Variants in MACROD2 observed in about 807,000 individuals in gnomAD.
The protein encoded by MACROD2 is ADP-ribose glycohydrolase MACROD2.
A neutral mutation model predicts 70.4 loss-of-function variants in MACROD2; 36 were observed. The observed-to-expected ratio is 0.51, with a 90% CI of 0.39 to 0.68. The LOEUF (loss-of-function observed/expected upper bound fraction) is 0.68. MACROD2 is among the 30% of genes least tolerant of loss of function. MACROD2 has a pLI of 0.00. For missense variants in MACROD2, 496 were observed against 538.4 expected (o/e 0.92, Z 0.78); for synonymous variants, 172 against 178.8 (o/e 0.96, Z 0.30).
At chr20:15,964,730 C>T (rs909049339) in intron 12 of MACROD2, among the ~76,000 whole-genome samples, 2 of 152,176 alleles carry the variant, frequency 1.3e-5, no homozygotes, top group African/African-American at 4.8e-5. Flanking sequence ...TGATTGAAAA[C>T]ATACAGAATC....
intron 5 of MACROD2, among the ~76,000 whole-genome samples, chr20:14,825,229 G>A (rs964652496): frequency 4.6e-5 from 7 of 151,914 alleles, no homozygotes; most frequent in Non-Finnish European, 7.4e-5. Context: ...ACCAAGTACC[G>A]CTCCTGTGCC....
chr20:14,082,355 T>C (rs1412484116), intron 2 of MACROD2, among the ~76,000 whole-genome samples: 1 of 122,592 alleles, frequency 8.2e-6, no homozygotes, highest in South Asian at 2.5e-4. Flanking sequence ...ATTTTTTGTA[T>C]TTTTTTTTTT....
chr20:14,020,987 C>CTTTT (rs1163077387), intron 2 of MACROD2, among the ~76,000 whole-genome samples: 23 of 111,542 alleles, frequency 2.1e-4, no homozygotes, highest in South Asian at 2.9e-4. Context: ...TTTGAATATT[C>CTTTT]TTTTTTTTTT....
intron 5 of MACROD2, among the ~76,000 whole-genome samples, chr20:14,846,835 G>A (rs2073147284): frequency 6.6e-6 from 1 of 150,884 alleles, no homozygotes; most frequent in Non-Finnish European, 1.5e-5. Context: ...TAATTTTTAA[G>A]CACTTTAGGT....
At chr20:15,638,727 A>G (rs1441004953) in intron 8 of MACROD2, among the ~76,000 whole-genome samples, 4 of 152,220 alleles carry the variant, frequency 2.6e-5, no homozygotes, top group African/African-American at 9.7e-5. Context: ...TCAGAATTCT[A>G]CTTAAGAGCT....
At chr20:14,434,588 G>C (rs943705851) in intron 3 of MACROD2, among the ~76,000 whole-genome samples, 1 of 152,152 alleles carries the variant, frequency 6.6e-6, no homozygotes, top group Non-Finnish European at 1.5e-5. Context: ...AACCTAAGGT[G>C]AGTCAAGCAC....
chr20:14,771,311 A>G (rs1356757186), intron 5 of MACROD2, among the ~76,000 whole-genome samples: 1 of 152,020 alleles, frequency 6.6e-6, no homozygotes, highest in African/African-American at 2.4e-5. Context: ...GCCAATTTCT[A>G]TTGGCTTTGC....
intron 8 of MACROD2, among the ~76,000 whole-genome samples, chr20:15,642,112 A>G (rs2049468741): frequency 6.6e-6 from 1 of 152,216 alleles, no homozygotes; most frequent in Non-Finnish European, 1.5e-5. Flanking sequence ...ATGAGAACAT[A>G]AAGAAAGGCA....
At chr20:15,845,190 C>T (rs554552586) in intron 8 of MACROD2, among the ~76,000 whole-genome samples, 3 of 152,062 alleles carry the variant, frequency 2.0e-5, no homozygotes, top group Non-Finnish European at 2.9e-5. Context: ...GTTGAGGTCA[C>T]GCTGGATTAA....
chr20:14,683,716 AATAATG>A (rs778193436), intron 4 of MACROD2, among the ~76,000 whole-genome samples: 7 of 152,154 alleles, frequency 4.6e-5, no homozygotes, highest in Non-Finnish European at 1.0e-4. Context: ...CTTAAATAAT[AATAATG>A]ATAATGATAA....
At chr20:15,999,880 G>T (rs2066685514) in intron 15 of MACROD2, among the ~76,000 whole-genome samples, 1 of 152,182 alleles carries the variant, frequency 6.6e-6, no homozygotes, top group Non-Finnish European at 1.5e-5. Flanking sequence ...AAAACCCAGG[G>T]TTAGAATGAG....
intron 3 of MACROD2, among the ~76,000 whole-genome samples, chr20:14,104,839 A>G (rs1319822624): frequency 6.6e-6 from 1 of 152,212 alleles, no homozygotes; most frequent in Admixed American, 6.5e-5. Flanking sequence ...TTATATTAGT[A>G]TGAGGGTCAT....
At chr20:14,314,943 GGCCA>G (rs2082600279) in intron 3 of MACROD2, among the ~76,000 whole-genome samples, 1 of 152,040 alleles carries the variant, frequency 6.6e-6, no homozygotes, top group African/African-American at 2.4e-5. Context: ...AGTTGACCAA[GGCCA>G]TATCCCAAAT....
At chr20:15,594,530 C>T (rs534802064) in intron 8 of MACROD2, among the ~76,000 whole-genome samples, 24 of 152,286 alleles carry the variant, frequency 1.6e-4, no homozygotes, top group East Asian at 3.9e-4. Context: ...ATAACATGTG[C>T]GGGTTTCCAT....
intron 3 of MACROD2, among the ~76,000 whole-genome samples, chr20:14,334,222 T>C (rs1054680963): frequency 9.9e-5 from 15 of 152,220 alleles, no homozygotes; most frequent in Admixed American, 3.3e-4. Context: ...AACATAAACA[T>C]AGCTTTGAAA....
At chr20:15,133,594 A>G (rs4340602) in intron 5 of MACROD2, among the ~76,000 whole-genome samples, 94,190 of 151,988 alleles carry the variant, frequency 0.62, 29,477 homozygotes, top group African/African-American at 0.7. Flanking sequence ...TATCTTGTGA[A>G]GTTTCAGAAT....
At chr20:14,814,304 G>A (rs1040186501) in intron 5 of MACROD2, among the ~76,000 whole-genome samples, 1 of 152,026 alleles carries the variant, frequency 6.6e-6, no homozygotes, top group African/African-American at 2.4e-5. Context: ...GCTGGTCACA[G>A]CCAGGAGCCA....
intron 5 of MACROD2, among the ~76,000 whole-genome samples, chr20:14,724,948 A>G (rs1289979223): frequency 6.6e-6 from 1 of 152,200 alleles, no homozygotes; most frequent in Admixed American, 6.5e-5. Flanking sequence ...TTATGAGGCT[A>G]CTGCAATAGC....
At chr20:14,055,922 A>G (rs818761) in intron 2 of MACROD2, among the ~76,000 whole-genome samples, 33,550 of 151,954 alleles carry the variant, frequency 0.22, 4,194 homozygotes, top group African/African-American at 0.35. Context: ...CATTGGATAT[A>G]TATTTGTTGA....
Sources: gnomAD v4.1 joint callset for allele counts (sites outside exome capture counted in the v4.1 genomes callset) on GRCh38, gnomAD v4.1.1 for gene constraint, MANE v1.5 for transcripts, NCBI Gene and HGNC (gene_info 2026-07-23, HGNC 2026-07-21) for gene names.